Variants in ZNF804A observed in about 807,000 individuals in gnomAD.
The protein encoded by ZNF804A is zinc finger protein 804A.
Under a neutral mutation model 16.5 loss-of-function variants are expected in ZNF804A, and 2 were observed. The observed-to-expected ratio is 0.12, with a 90% confidence interval of 0.05 to 0.38. The LOEUF (loss-of-function observed/expected upper bound fraction) is 0.38. Ranked by LOEUF, ZNF804A falls within the 10% of genes least tolerant of loss-of-function variation. The probability of loss-of-function intolerance (pLI) is 0.99; values close to 1 mark genes in which losing one functional copy is unlikely to be tolerated. For synonymous variants in ZNF804A, 534 were observed against 489.6 expected (o/e 1.09, Z -1.20); for missense variants, 1,473 against 1,390.7 (o/e 1.06, Z -0.94).
At chr2:184,778,713 G>T (rs2105772532) in intron 1 of ZNF804A, among the ~76,000 whole-genome samples, 1 of 151,814 alleles carries the variant, frequency 6.6e-6, no homozygotes, top group South Asian at 2.1e-4. Context: ...ATTATATACA[G>T]TTATTGTACT....
chr2:184,710,139 T>G (rs1317902033), intron 1 of ZNF804A, among the ~76,000 whole-genome samples: 2 of 151,580 alleles, frequency 1.3e-5, no homozygotes, highest in East Asian at 3.9e-4. Context: ...ATTTTTAATT[T>G]AATGTTTTAT....
At chr2:184,607,924 C>G (rs1283250792) in intron 1 of ZNF804A, among the ~76,000 whole-genome samples, 2 of 136,348 alleles carry the variant, frequency 1.5e-5, no homozygotes, top group African/African-American at 2.7e-5. Flanking sequence ...CATGGAGAAC[C>G]TTGATGCATC....
intron 1 of ZNF804A, among the ~76,000 whole-genome samples, chr2:184,717,756 A>G (rs1693238413): frequency 6.6e-6 from 1 of 152,206 alleles, no homozygotes. Context: ...TATAATGTGT[A>G]ATGATCAAGT....
chr2:184,720,128 C>T (rs1693283793), intron 1 of ZNF804A, among the ~76,000 whole-genome samples: 1 of 152,030 alleles, frequency 6.6e-6, no homozygotes. Flanking sequence ...CAGGGAGACT[C>T]CTGTTTTTAA....
At chr2:184,835,664 G>GAA (rs112941339) in intron 1 of ZNF804A, among the ~76,000 whole-genome samples, 7,008 of 137,474 alleles carry the variant, frequency 0.051, 207 homozygotes, top group Middle Eastern at 0.074. Flanking sequence ...AGGAAGGCAT[G>GAA]AAAAAAAAAA....
chr2:184,932,079 C>G (rs1270386289), intron 2 of ZNF804A, among the ~76,000 whole-genome samples: 1 of 152,142 alleles, frequency 6.6e-6, no homozygotes. Flanking sequence ...CTTTATTATC[C>G]ATATCACTAT....
At chr2:184,795,701 A>G (rs1318431362) in intron 1 of ZNF804A, among the ~76,000 whole-genome samples, 1 of 152,124 alleles carries the variant, frequency 6.6e-6, no homozygotes, top group African/African-American at 2.4e-5. Context: ...AAGAAGAGAG[A>G]AAATCCAAAT....
chr2:184,787,406 T>G (rs923841224), intron 1 of ZNF804A, among the ~76,000 whole-genome samples: 1 of 111,326 alleles, frequency 9.0e-6, no homozygotes, highest in Non-Finnish European at 2.1e-5. Context: ...AGTAGTACTA[T>G]TTTTAGTTGT....
chr2:184,737,102 G>T (rs1436317882), intron 1 of ZNF804A, among the ~76,000 whole-genome samples: 6 of 151,138 alleles, frequency 4.0e-5, no homozygotes, highest in African/African-American at 1.2e-4. Context: ...TGTCACCCAG[G>T]CTGGAGTGTA....
chr2:184,933,500 A>G, intron 2 of ZNF804A, 103 bp from the exon 3 acceptor site: 3 of 1,087,376 alleles, frequency 2.8e-6, no homozygotes, highest in Non-Finnish European at 3.9e-6. Flanking sequence ...CCTCTCGACA[A>G]GGTCAAAGAT....
intron 2 of ZNF804A, among the ~76,000 whole-genome samples, chr2:184,883,228 A>G (rs747273830): frequency 1.3e-5 from 2 of 152,124 alleles, no homozygotes; most frequent in African/African-American, 4.8e-5. Flanking sequence ...GAACCAGGAC[A>G]AAATTGAATC....
At chr2:184,897,004 C>G (rs72907741) in intron 2 of ZNF804A, among the ~76,000 whole-genome samples, 7,546 of 151,892 alleles carry the variant, frequency 0.05, 248 homozygotes, top group Middle Eastern at 0.075. Context: ...TTAATTCTGA[C>G]TTGAATTCCT....
rs145552569 is a variant in ZNF804A, at chr2:184,932,830, T to C, written c.256-773T>C. On this transcript the variant is annotated intron_variant, in intron 2 of 3. Transcript: ENST00000302277. ...GGCTATTTATCAATTATGTTCGAGT[T>C]GGCATGCTGTTTTTCTTGCCATCAA... is the stretch of plus-strand genomic sequence containing the variant. 6.4e-3 allele frequency among the ~76,000 whole-genome samples: 970 copies of C among 152,302 alleles called. 7 individuals carry two copies. Among genetic ancestry groups the C allele is most frequent in the African/African-American group, 0.02 (821 of 41,578 alleles).
chr2:184,813,820 T>C (rs1407581744), intron 1 of ZNF804A, among the ~76,000 whole-genome samples: 22 of 151,914 alleles, frequency 1.4e-4, no homozygotes, highest in Admixed American at 1.4e-3. Context: ...CAAACATACC[T>C]TGTTCTTCTT....
chr2:184,810,889 A>G lies in ZNF804A; in HGVS notation c.112-55480A>G, dbSNP rs146455564. On this transcript the variant is annotated intron_variant, in intron 1 of 3. Transcript: ENST00000302277. ...AGAGCGTAGAAATAGTGTTTAAATG[A>G]AAAATATCTCTGAAAAGGTGTCTTT... Among the ~76,000 whole-genome samples the G allele has an allele frequency of 2.5e-3, 384 of 152,344 alleles. 1 individual carries two copies. The highest frequency in any genetic ancestry group is 6.8e-3 in the Middle Eastern group (2 of 294).
In ZNF804A at chr2:184,835,477, G is replaced by A. The variant is rs1273042539; in HGVS notation, c.112-30892G>A. Among the ~76,000 whole-genome samples, 6 of 152,166 alleles carry A rather than the reference G, an allele frequency of 3.9e-5. No individual in the cohort carries two copies. In the South Asian group the frequency reaches 8.3e-4, roughly 21 times the overall value. On this transcript the variant is annotated intron_variant, in intron 1 of 3. Transcript: ENST00000302277. ...TGCCATAGCAATGGTAAACTGACAG[G>A]GCACTGGTGGGCATGTCTTATGAAG...
chr2:184,646,663 A>G (rs1312372767), intron 1 of ZNF804A, among the ~76,000 whole-genome samples: 6 of 152,340 alleles, frequency 3.9e-5, no homozygotes, highest in Non-Finnish European at 1.5e-5. Context: ...TCTCTGTTCC[A>G]TTCTCAGACA....
chr2:184,872,654 T>G (rs1018810142), intron 2 of ZNF804A, among the ~76,000 whole-genome samples: 10 of 152,140 alleles, frequency 6.6e-5, no homozygotes, highest in African/African-American at 2.4e-4. Context: ...CATATAAAAA[T>G]AGACATAATC....
chr2:184,804,104 T>G (rs1473126844), intron 1 of ZNF804A, among the ~76,000 whole-genome samples: 1 of 152,060 alleles, frequency 6.6e-6, no homozygotes, highest in East Asian at 1.9e-4. Context: ...GACCTCTTGA[T>G]CTCCCCACCT....
Sources: gnomAD v4.1 joint callset for allele counts (sites outside exome capture counted in the v4.1 genomes callset) on GRCh38, gnomAD v4.1.1 for gene constraint, MANE v1.5 for transcripts, NCBI Gene and HGNC (gene_info 2026-07-23, HGNC 2026-07-21) for gene names.